GMDS: variants seen among roughly 807,000 people sequenced by gnomAD.
The protein encoded by GMDS is GDP-mannose 4,6-dehydratase.
Under a neutral mutation model 49.9 loss-of-function variants are expected in GMDS, and 20 were observed. That is an observed-to-expected ratio of 0.40 (90% CI 0.28 to 0.58). The LOEUF (loss-of-function observed/expected upper bound fraction) is 0.58. Among genes scored for constraint, GMDS ranks in the 20% least tolerant of loss-of-function variants. The pLI, the probability that GMDS is intolerant of heterozygous loss-of-function variation, is 0.42. For missense variants in GMDS, 362 were observed against 481.4 expected, an observed-to-expected ratio of 0.75 and a Z score of 2.32; for synonymous variants, 177 against 178.6, an observed-to-expected ratio of 0.99 and a Z score of 0.07.
At chr6:1,891,292 T>C (rs561308266) in intron 7 of GMDS, among the ~76,000 whole-genome samples, 2 of 152,322 alleles carry the variant, frequency 1.3e-5, no homozygotes, top group South Asian at 2.1e-4. Context: ...AATAAATTCA[T>C]GTCTAAATGG....
chr6:1,995,550 G>A lies in GMDS; in HGVS notation c.346-34584C>T, dbSNP rs577836514. Among the ~76,000 whole-genome samples, 608 of 152,168 alleles carry A rather than the reference G, an allele frequency of 4.0e-3. 4 individuals are homozygous for A. The highest frequency in any genetic ancestry group is 0.014 in the African/African-American group (588 of 41,496). ...CTCCATCCGCACTAACATTTCCATG[G>A]GTACCTGCGTTAGGTTTACTAGAGA... On this transcript the variant is annotated intron_variant, in intron 4 of 10. Transcript: ENST00000380815.
intron 1 of GMDS, among the ~76,000 whole-genome samples, chr6:2,223,020 T>C (rs550514693): frequency 6.6e-6 from 1 of 152,188 alleles, no homozygotes; most frequent in African/African-American, 2.4e-5. Context: ...ATCAACTCTT[T>C]CCTGTGTCTC....
At chr6:1,905,905 A>ACCTC (rs2113867475) in intron 7 of GMDS, among the ~76,000 whole-genome samples, 1 of 73,058 alleles carries the variant, frequency 1.4e-5, no homozygotes. Context: ...GCCATCTGGG[A>ACCTC]ACACGTATGC....
At chr6:2,137,333 CTTTTTTT>C (rs79714655) in intron 1 of GMDS, among the ~76,000 whole-genome samples, 3 of 133,500 alleles carry the variant, frequency 2.2e-5, no homozygotes, top group Admixed American at 7.5e-5. Flanking sequence ...GCTATATTCC[CTTTTTTT>C]TTTTTTTTTT....
chr6:2,098,374 T>A (rs1004540382), intron 4 of GMDS, among the ~76,000 whole-genome samples: 8 of 152,222 alleles, frequency 5.3e-5, no homozygotes, highest in African/African-American at 1.9e-4. Context: ...ATTATTTTTA[T>A]AATTACTCTT....
chr6:1,652,928 G>C (rs564979823), intron 9 of GMDS, among the ~76,000 whole-genome samples: 2 of 148,046 alleles, frequency 1.4e-5, no homozygotes, highest in East Asian at 4.1e-4. Context: ...TGGGTCACGT[G>C]TGTCTGTGTA....
In GMDS at chr6:2,000,215, T is replaced by C. The variant is rs1766710279; in HGVS notation, c.346-39249A>G. Among the ~76,000 whole-genome samples the C allele has an allele frequency of 2.0e-5, 3 of 147,824 alleles. No homozygotes were observed. In the South Asian group the frequency reaches 6.5e-4, roughly 32 times the overall value. On this transcript the variant is annotated intron_variant, in intron 4 of 10. Coordinates refer to ENST00000380815, the MANE Select transcript of GMDS (RefSeq NM_001500.4). ...CATGCCCGGCTAATTTTTTGTATTTTTGGTAGAGATGGGGTTTCACCGTGT... is the reference window on the plus strand; with the variant it reads ...CATGCCCGGCTAATTTTTTGTATTTCTGGTAGAGATGGGGTTTCACCGTGT...
chr6:2,003,794 C>T (rs1719980234), intron 4 of GMDS, among the ~76,000 whole-genome samples: 1 of 152,090 alleles, frequency 6.6e-6, no homozygotes, highest in Admixed American at 6.6e-5. Flanking sequence ...AAACAACTGC[C>T]CTGAGCTAGG....
chr6:1,927,680 C>T (rs569897964), intron 7 of GMDS, among the ~76,000 whole-genome samples: 23 of 152,322 alleles, frequency 1.5e-4, no homozygotes, highest in African/African-American at 5.5e-4. Context: ...ACTACACTCA[C>T]AGTGGAGCTA....
chr6:2,201,225 T>C (rs992061076), intron 1 of GMDS, among the ~76,000 whole-genome samples: 1 of 108,124 alleles, frequency 9.2e-6, no homozygotes, highest in Non-Finnish European at 1.8e-5. Context: ...ACATCCGAGA[T>C]GTAACAACCA....
chr6:1,652,440 ATATTTATATAT>A (rs1490581402), intron 9 of GMDS, among the ~76,000 whole-genome samples: 3 of 15,640 alleles, frequency 1.9e-4, no homozygotes, highest in African/African-American at 7.3e-4. Context: ...TATATTATAT[ATATTTATATAT>A]TATTTATATA....
intron 9 of GMDS, among the ~76,000 whole-genome samples, chr6:1,650,017 T>C (rs1216746497): frequency 6.6e-6 from 1 of 152,232 alleles, no homozygotes; most frequent in African/African-American, 2.4e-5. Context: ...AGTGATGATC[T>C]TGCCGTCTGA....
chr6:1,951,767 A>C, intron 6 of GMDS: 1 of 417,560 alleles, frequency 2.4e-6, no homozygotes, highest in Non-Finnish European at 3.2e-6. Context: ...GAAGTTATTT[A>C]TTTCATATCA....
rs894363214 is a variant in GMDS at position 1,956,378 on chromosome 6, T to C, written c.643+3489A>G. Among the ~76,000 whole-genome samples, 10 of 152,372 alleles carry C rather than the reference T, an allele frequency of 6.6e-5. No individual in the cohort carries two copies. The East Asian group carries it at 7.7e-4, about 12-fold the overall frequency. On this transcript the variant is annotated intron_variant, in intron 6 of 10. Transcript: ENST00000380815. The stretch of plus-strand genomic sequence containing the variant: ...CCAGATTTGGCCCATGAGTCCTAGA[T>C]TGTCAACTTCTGGTTTAGCCTATTG...
intron 1 of GMDS, among the ~76,000 whole-genome samples, chr6:2,165,438 C>T (rs1160191830): frequency 6.6e-6 from 1 of 152,186 alleles, no homozygotes; most frequent in Non-Finnish European, 1.5e-5. Context: ...GGAGAAATTC[C>T]CTCTTACTCA....
chr6:1,981,953 C>T (rs948425507), intron 4 of GMDS, among the ~76,000 whole-genome samples: 5 of 152,122 alleles, frequency 3.3e-5, no homozygotes, highest in Non-Finnish European at 7.4e-5. Flanking sequence ...TGAGAAAAGG[C>T]CTTCCATAAA....
At chr6:1,736,917 C>T (rs996151033) in intron 8 of GMDS, among the ~76,000 whole-genome samples, 6 of 152,212 alleles carry the variant, frequency 3.9e-5, no homozygotes, top group Non-Finnish European at 5.9e-5. Flanking sequence ...AGTAGCTACA[C>T]TGGCTGCAGG....
intron 4 of GMDS, among the ~76,000 whole-genome samples, chr6:2,001,667 T>G (rs1457249580): frequency 6.6e-6 from 1 of 152,120 alleles, no homozygotes; most frequent in Non-Finnish European, 1.5e-5. Context: ...ATAAAGAAAG[T>G]GCTGTACTGG....
At chr6:1,726,670 C>T (rs1031224777) in intron 8 of GMDS, among the ~76,000 whole-genome samples, 158 bp from the exon 9 acceptor site, 4 of 152,214 alleles carry the variant, frequency 2.6e-5, no homozygotes, top group Admixed American at 6.5e-5. Flanking sequence ...ATTAAAGCAA[C>T]GGCGACTTTC....
Sources: allele counts gnomAD v4.1 joint callset (sites outside exome capture counted in the v4.1 genomes callset), GRCh38; gene constraint gnomAD v4.1.1; transcripts MANE v1.5; gene names NCBI Gene and HGNC (gene_info 2026-07-23, HGNC 2026-07-21).